CMIP: variants seen among roughly 807,000 people sequenced by gnomAD.
The protein encoded by CMIP is C-Maf-inducing protein.
In CMIP, 13 loss-of-function variants were observed where a neutral mutation model predicts 97.3. The ratio of observed to expected loss-of-function variants is 0.13; its 90% CI spans 0.09 to 0.21. The LOEUF (loss-of-function observed/expected upper bound fraction) is 0.21. Among genes scored for constraint, CMIP ranks in the 10% least tolerant of loss-of-function variants. The pLI is 1.00. For synonymous variants in CMIP, 538 were observed against 436.3 expected (o/e 1.23, Z -2.91); for missense variants, 847 against 1,024.9 (o/e 0.83, Z 2.37).
At chr16:81,625,307 C>G (rs1167627191) in intron 3 of CMIP, among the ~76,000 whole-genome samples, 1 of 152,284 alleles carries the variant, frequency 6.6e-6, no homozygotes, top group African/African-American at 2.4e-5. Context: ...CTGGGGAGGC[C>G]AGCCCTGTTT....
chr16:81,520,359 A>G (rs2089996229), intron 1 of CMIP: 1 of 152,192 alleles, frequency 6.6e-6, no homozygotes, highest in Non-Finnish European at 1.5e-5. Context: ...CCTAGAACAA[A>G]TAAGCAATTT....
At chr16:81,619,963 G>A (rs774538688) in intron 2 of CMIP, 1 of 152,242 alleles carries the variant, frequency 6.6e-6, no homozygotes, top group Non-Finnish European at 1.5e-5. Context: ...CATGAGGGAT[G>A]GGAGGGCTGC....
chr16:81,459,061 T>TGTCACC (rs139410059), intron 1 of CMIP, among the ~76,000 whole-genome samples: 1 of 150,138 alleles, frequency 6.7e-6, no homozygotes, highest in Non-Finnish European at 1.5e-5. Context: ...TCACCATCAC[T>TGTCACC]GTCACCGTCA....
rs534811980 is a variant in CMIP at position 81,483,762 on chromosome 16, T to C, written c.300+38221T>C. 4.6e-5 allele frequency among the ~76,000 whole-genome samples: 7 copies of C among 152,342 alleles called. No homozygotes were observed. In the South Asian group the frequency reaches 6.2e-4, roughly 14 times the overall value. ...AGCTATCCTCAGTGTTGGTCACTTA[T>C]GGCTTTTGCTATTTATATAGCACAG... On this transcript the variant is annotated intron_variant, in intron 1 of 20. Coordinates refer to ENST00000537098, the MANE Select transcript of CMIP (RefSeq NM_198390.3).
rs116675919 is a variant in CMIP, at chr16:81,590,145, A to G, written c.301-17422A>G. Among the ~76,000 whole-genome samples the G allele has an allele frequency of 2.4e-3, 370 of 152,302 alleles. 3 individuals carry two copies. Among genetic ancestry groups the G allele is most frequent in the African/African-American group, 8.3e-3 (346 of 41,584 alleles). ...GGCAGCCCTGTCTGCCAGCCTGGAC[A>G]CTTGGCGGGGAACCCTGGGAATGAC... On this transcript the variant is annotated intron_variant, in intron 1 of 20. Coordinates refer to ENST00000537098, the MANE Select transcript of CMIP (RefSeq NM_198390.3).
chr16:81,503,184 T>C (rs1210998088), intron 1 of CMIP, among the ~76,000 whole-genome samples: 2 of 152,210 alleles, frequency 1.3e-5, no homozygotes, highest in African/African-American at 4.8e-5. Flanking sequence ...AAGTCTTGAA[T>C]TCCAGGAGAT....
chr16:81,448,949 G>A (rs766800078), intron 1 of CMIP, among the ~76,000 whole-genome samples: 3 of 152,234 alleles, frequency 2.0e-5, no homozygotes, highest in Non-Finnish European at 4.4e-5. Context: ...CGTGTTGGTT[G>A]TAAATGACAG....
At chr16:81,455,488 T>C (rs573404356) in intron 1 of CMIP, among the ~76,000 whole-genome samples, 3 of 152,350 alleles carry the variant, frequency 2.0e-5, no homozygotes, top group East Asian at 1.9e-4. Context: ...CCCAGATCTC[T>C]ACCCCTCCAC....
At chr16:81,549,437 T>C (rs1206862349) in intron 1 of CMIP, among the ~76,000 whole-genome samples, 1 of 152,210 alleles carries the variant, frequency 6.6e-6, no homozygotes, top group Non-Finnish European at 1.5e-5. Flanking sequence ...GAAATTCTCC[T>C]TGGGCAGATA....
chr16:81,531,884 T>G (rs1468746389), intron 1 of CMIP, among the ~76,000 whole-genome samples: 1 of 152,254 alleles, frequency 6.6e-6, no homozygotes, highest in Non-Finnish European at 1.5e-5. Flanking sequence ...TCACCTCCAT[T>G]GCTATTTGTA....
intron 1 of CMIP, among the ~76,000 whole-genome samples, chr16:81,524,687 T>C (rs1006907164): frequency 6.6e-6 from 1 of 152,238 alleles, no homozygotes; most frequent in African/African-American, 2.4e-5. Context: ...CAGGCCCTGC[T>C]CAGAGCCACC....
chr16:81,655,201 C>T lies in CMIP; in HGVS notation c.640-2574C>T, dbSNP rs937419684. On this transcript the variant is annotated intron_variant, in intron 4 of 20. Coordinates refer to ENST00000537098, the MANE Select transcript of CMIP (RefSeq NM_198390.3). This position sits in a 1 kb window ranked among gnomAD's most constrained non-coding sequence, Gnocchi z 4.9. Reference sequence around the variant, plus strand: ...AGCTGGAAAAACAAACATCTGCCTTCGACCTCCGTGCCCTGTTTTGGGGCT... The same window carrying T: ...AGCTGGAAAAACAAACATCTGCCTTTGACCTCCGTGCCCTGTTTTGGGGCT... 1.3e-5 allele frequency among the ~76,000 whole-genome samples: 2 copies of T among 152,130 alleles called. No homozygotes were observed. Among genetic ancestry groups the T allele is most frequent in the East Asian group, 1.9e-4 (1 of 5,184 alleles).
chr16:81,540,097 T>C (rs1459770124), intron 1 of CMIP, among the ~76,000 whole-genome samples: 1 of 152,182 alleles, frequency 6.6e-6, no homozygotes. Flanking sequence ...TTAGTGTCAC[T>C]TCATTGTGAA....
intron 1 of CMIP, among the ~76,000 whole-genome samples, chr16:81,470,326 C>G (rs1397371229): frequency 6.6e-6 from 1 of 152,234 alleles, no homozygotes; most frequent in Non-Finnish European, 1.5e-5. Flanking sequence ...GGGTCCAGAG[C>G]CTTCTTTGCA....
intron 1 of CMIP, among the ~76,000 whole-genome samples, chr16:81,497,700 A>T (rs2089517378): frequency 6.6e-6 from 1 of 152,236 alleles, no homozygotes; most frequent in East Asian, 1.9e-4. Context: ...AGAGTGCAGA[A>T]TCCCGGTTTT....
intron 20 of CMIP, 96 bp from the exon 21 acceptor site, chr16:81,709,650 G>A: frequency 7.1e-7 from 1 of 1,399,678 alleles, no homozygotes; most frequent in Non-Finnish European, 1.0e-6. Context: ...GAGGGTGGCA[G>A]AGACCCCCAG....
At chr16:81,552,085 G>A (rs1203713679) in intron 1 of CMIP, among the ~76,000 whole-genome samples, 1 of 152,176 alleles carries the variant, frequency 6.6e-6, no homozygotes, top group Admixed American at 6.5e-5. Flanking sequence ...GGCTTTAGGA[G>A]GGACTTGTGT....
chr16:81,662,436 ATCCTGTGTGGGTG>A lies in CMIP; in HGVS notation c.744+1492_744+1504del, dbSNP rs551606225. Among the ~76,000 whole-genome samples the A allele has an allele frequency of 7.9e-5, 12 of 152,260 alleles. No individual in the cohort carries two copies. The East Asian group carries it at 2.3e-3, about 29-fold the overall frequency. On this transcript the variant is annotated intron_variant, in intron 6 of 20. Coordinates refer to ENST00000537098, the MANE Select transcript of CMIP (RefSeq NM_198390.3). ...ACCCTTTTTGGCATTCTTTGCTGTA[ATCCTGTGTGGGTG>A]TTTCAAAGAGGGCCGTCTGCCTTTT... is the stretch of plus-strand genomic sequence containing the variant.
At position 81,678,275 on chromosome 16, in the gene CMIP, C is replaced by A; in HGVS notation, c.1035C>A (p.Ser345Arg). Residue 345 changes from serine (S) to arginine (R), a missense_variant and splice_region_variant, in exon 10 of 21, where the codon AGC becomes AGA. Ser to Arg is a moderately radical substitution (Grantham distance 110). Transcript: ENST00000537098. The part of the protein sequence containing the change: ...IYSCYEEFIN[S>R]RDNSPSLKEI... ...TGCCCTCTCCCGCCTCTTCCCCCAG[C>A]CGCGACAATTCCCCAAGCCTGAAGG... 6.3e-7 allele frequency: 1 copy of A among 1,584,920 alleles called. No homozygotes were observed.
Sources: allele counts gnomAD v4.1 joint callset (sites outside exome capture counted in the v4.1 genomes callset), GRCh38; gene constraint gnomAD v4.1.1; non-coding constraint Gnocchi (gnomAD v3.1); transcripts MANE v1.5; gene names NCBI Gene and HGNC (gene_info 2026-07-23, HGNC 2026-07-21).